The following FILIP1L variants were observed in gnomAD, a reference collection of about 807,000 sequenced individuals.
FILIP1L encodes filamin A-interacting protein 1-like.
A neutral mutation model predicts 96.6 loss-of-function variants in FILIP1L; 55 were observed. The observed-to-expected ratio is 0.57, with a 90% confidence interval of 0.46 to 0.71. The LOEUF (loss-of-function observed/expected upper bound fraction) is 0.71. Among genes scored for constraint, FILIP1L ranks in the 30% least tolerant of loss-of-function variants. The pLI, the probability that FILIP1L is intolerant of heterozygous loss-of-function variation, is 0.00. For synonymous variants in FILIP1L, 467 were observed against 473.9 expected (o/e 0.99, Z 0.19); for missense variants, 1,304 against 1,321.2 (o/e 0.99, Z 0.20).
rs756569513 is a variant in FILIP1L, at chr3:99,850,714, C to A, written c.962G>T (p.Arg321Leu). The change falls in exon 5 of 6, where the codon CGC (arginine) becomes CTC (leucine). Residue 321 changes from arginine (R) to leucine (L), a missense_variant. Coordinates refer to ENST00000477258, the MANE Select transcript of FILIP1L (RefSeq NM_001387850.1). ...TGCTGCCAGCTTTTGTTGAAGCTGG[C>A]GATTTTGACTGTCCTCATTGGTGAG... is the stretch of plus-strand genomic sequence containing the variant. Reference protein sequence around the residue: ...AKLTNEDSQNRQLQQKLAALS... With the variant: ...AKLTNEDSQNLQLQQKLAALS... 22 of 1,614,010 alleles carry A rather than the reference C, an allele frequency of 1.4e-5. No individual in the cohort carries two copies. The highest frequency in any genetic ancestry group is 1.8e-5 in the Non-Finnish European group (21 of 1,180,032).
At position 100,006,266 on chromosome 3, in the gene FILIP1L, T is replaced by C. The variant is rs184561294; in HGVS notation, c.-10-75236A>G. Among the ~76,000 whole-genome samples the C allele has an allele frequency of 2.6e-5, 4 of 152,256 alleles. No homozygotes were observed. In the East Asian group the frequency reaches 7.7e-4, roughly 29 times the overall value. On this transcript the variant is annotated intron_variant, in intron 1 of 5. Coordinates refer to ENST00000477258, the MANE Select transcript of FILIP1L (RefSeq NM_001387850.1). Reference sequence around the variant, plus strand: ...CCCTCAACTGATCTTTGGCTCTTATTTAAATTTTGTTTTTGTTGTCTTTGA... The same window carrying C: ...CCCTCAACTGATCTTTGGCTCTTATCTAAATTTTGTTTTTGTTGTCTTTGA...
chr3:99,957,810 AT>A (rs2107698154), intron 1 of FILIP1L, among the ~76,000 whole-genome samples: 1 of 148,520 alleles, frequency 6.7e-6, no homozygotes, highest in Non-Finnish European at 1.5e-5. Flanking sequence ...TTTTTCACAC[AT>A]AGCTTGTTTT....
intron 1 of FILIP1L, among the ~76,000 whole-genome samples, chr3:100,014,887 C>CTTTTTTTTTTTT (rs1559725867): frequency 9.2e-5 from 3 of 32,466 alleles, no homozygotes; most frequent in Admixed American, 3.8e-4. Context: ...TTTTTTTTTT[C>CTTTTTTTTTTTT]TTTCTTTCTT....
intron 1 of FILIP1L, among the ~76,000 whole-genome samples, chr3:99,934,684 A>G (rs959081549): frequency 1.3e-5 from 2 of 152,248 alleles, no homozygotes; most frequent in East Asian, 3.8e-4. Flanking sequence ...CTGAGCTGCA[A>G]CAGAAGACTG....
At chr3:100,094,772 C>T (rs1404563498) in intron 1 of FILIP1L, among the ~76,000 whole-genome samples, 6 of 149,196 alleles carry the variant, frequency 4.0e-5, no homozygotes, top group Admixed American at 6.8e-5. Context: ...CAAGCTCTGC[C>T]TCCCGGGTTC....
chr3:99,848,830 AG>A lies in FILIP1L; in HGVS notation c.2845del (p.Leu949SerfsTer6). The A allele has an allele frequency of 6.2e-7, 1 of 1,613,956 alleles. No individual in the cohort carries two copies. ...CGTPKQRITILQNASITPVKS... is the reference protein window; with the variant it reads ...CGTPKQRITIXQNASITPVKS... ...TACTGGTGTTATGGAGGCGTTTTGG[AG>A]GATGGTTATCCTTTGCTTTGGCGTG... On this transcript the variant is annotated frameshift_variant, in exon 5 of 6. Transcript: ENST00000477258. LOFTEE classifies it high-confidence loss of function.
At chr3:99,836,706 C>T (rs964701232) in intron 5 of FILIP1L, among the ~76,000 whole-genome samples, 1 of 152,174 alleles carries the variant, frequency 6.6e-6, no homozygotes, top group African/African-American at 2.4e-5. Flanking sequence ...AGAACAGCCA[C>T]CTAAGGAGGC....
intron 1 of FILIP1L, among the ~76,000 whole-genome samples, chr3:100,054,355 G>C (rs889584567): frequency 1.3e-5 from 2 of 152,184 alleles, no homozygotes; most frequent in Admixed American, 6.5e-5. Context: ...TGAAAGCTCA[G>C]ATCTGGAAAA....
chr3:99,932,655 C>A (rs368257188), intron 1 of FILIP1L, among the ~76,000 whole-genome samples: 1 of 152,076 alleles, frequency 6.6e-6, no homozygotes, highest in Admixed American at 6.6e-5. Context: ...TTTGGGAGGC[C>A]GAGGCAGGCG....
chr3:99,882,707 C>G (rs963684673), intron 4 of FILIP1L, among the ~76,000 whole-genome samples: 1 of 152,062 alleles, frequency 6.6e-6, no homozygotes, highest in Admixed American at 6.5e-5. Context: ...TTTTGGGAAA[C>G]ATGAAAAAAT....
intron 1 of FILIP1L, among the ~76,000 whole-genome samples, chr3:100,060,393 G>A (rs1045455320): frequency 1.3e-5 from 2 of 152,004 alleles, no homozygotes; most frequent in Non-Finnish European, 1.5e-5. Flanking sequence ...CCTTCTAAGA[G>A]AAGGCAGCTC....
At chr3:100,050,742 C>G (rs2065357277) in intron 1 of FILIP1L, among the ~76,000 whole-genome samples, 1 of 152,124 alleles carries the variant, frequency 6.6e-6, no homozygotes, top group African/African-American at 2.4e-5. Flanking sequence ...GTTGGCCAGG[C>G]TGGTCTCGAA....
chr3:99,999,179 A>G (rs1709771907), intron 1 of FILIP1L, among the ~76,000 whole-genome samples: 1 of 152,116 alleles, frequency 6.6e-6, no homozygotes, highest in South Asian at 2.1e-4. Context: ...AGCAGCCTTT[A>G]TTTTTTAATG....
At chr3:100,066,470 C>A (rs1280014756) in intron 1 of FILIP1L, among the ~76,000 whole-genome samples, 2 of 142,588 alleles carry the variant, frequency 1.4e-5, no homozygotes, top group African/African-American at 5.2e-5. Flanking sequence ...ATGGTGATGT[C>A]ATGGATAGTG....
At chr3:100,090,033 AG>A (rs1255055337) in intron 1 of FILIP1L, among the ~76,000 whole-genome samples, 2 of 152,210 alleles carry the variant, frequency 1.3e-5, no homozygotes, top group African/African-American at 4.8e-5. Flanking sequence ...TCCTGATAGG[AG>A]TGCGTGGAGC....
intron 1 of FILIP1L, among the ~76,000 whole-genome samples, chr3:99,947,533 C>T (rs983787649): frequency 6.6e-6 from 1 of 152,182 alleles, no homozygotes; most frequent in Non-Finnish European, 1.5e-5. Context: ...GGAACCTTGA[C>T]TTTGTCTGGA....
At chr3:100,093,481 G>C in intron 1 of FILIP1L, among the ~76,000 whole-genome samples, 1 of 151,872 alleles carries the variant, frequency 6.6e-6, no homozygotes, top group Non-Finnish European at 1.5e-5. Flanking sequence ...AATTTTTTAA[G>C]TAAACTTTTT....
intron 1 of FILIP1L, among the ~76,000 whole-genome samples, chr3:99,960,723 G>A (rs540086566): frequency 1.3e-5 from 2 of 152,256 alleles, no homozygotes; most frequent in South Asian, 2.1e-4. Context: ...CAGGGCTATT[G>A]TTCTTGCTTT....
intron 1 of FILIP1L, among the ~76,000 whole-genome samples, chr3:100,090,304 A>G (rs2066081905): frequency 6.6e-6 from 1 of 152,244 alleles, no homozygotes; most frequent in Admixed American, 6.5e-5. Context: ...AGTCAAGGGA[A>G]CATTAGCTCA....
Sources: gnomAD v4.1 joint callset for allele counts (sites outside exome capture counted in the v4.1 genomes callset) on GRCh38, gnomAD v4.1.1 for gene constraint, MANE v1.5 for transcripts, NCBI Gene and HGNC (gene_info 2026-07-23, HGNC 2026-07-21) for gene names.